The following UGP2 variants were observed in gnomAD, a reference collection of about 807,000 sequenced individuals.
UGP2 encodes the protein UTP--glucose-1-phosphate uridylyltransferase.
UGP2 carries 40 observed loss-of-function variants against 49.0 expected under a neutral mutation model. That is an observed-to-expected ratio of 0.82 (90% CI 0.63 to 1.06). UGP2 has a LOEUF of 1.06. Ranked by LOEUF, UGP2 falls within the 50% of genes least tolerant of loss-of-function variation. UGP2 has a pLI of 0.00. For synonymous variants in UGP2, 225 were observed against 213.0 expected, an observed-to-expected ratio of 1.06 and a Z score of -0.49; for missense variants, 460 against 603.5, an observed-to-expected ratio of 0.76 and a Z score of 2.49.
chr2:63,847,562 G>A (rs1462175168), intron 1 of UGP2, among the ~76,000 whole-genome samples: 1 of 152,188 alleles, frequency 6.6e-6, no homozygotes, highest in Non-Finnish European at 1.5e-5. Flanking sequence ...CGAAAAGAGA[G>A]TCAGTGAAGG....
At chr2:63,857,755 C>A in intron 2 of UGP2, 74 bp from the exon 3 acceptor site, 1 of 1,398,854 alleles carries the variant, frequency 7.1e-7, no homozygotes, top group Non-Finnish European at 1.0e-6. Context: ...AAATGTGTAA[C>A]TTGTATCTGT....
At chr2:63,883,256 CCT>C (rs1671433828) in intron 4 of UGP2, 1 of 152,170 alleles carries the variant, frequency 6.6e-6, no homozygotes, top group African/African-American at 2.4e-5. Context: ...CTCATTTGTT[CCT>C]CTCAACAACT....
At chr2:63,866,510 TG>T (rs1344429824) in intron 3 of UGP2, among the ~76,000 whole-genome samples, 2 of 152,042 alleles carry the variant, frequency 1.3e-5, no homozygotes, top group African/African-American at 4.8e-5. Context: ...TAAGAGGTAA[TG>T]TTAGAGCTGA....
At chr2:63,845,417 A>G (rs986225282) in intron 1 of UGP2, among the ~76,000 whole-genome samples, 1 of 152,152 alleles carries the variant, frequency 6.6e-6, no homozygotes, top group African/African-American at 2.4e-5. Flanking sequence ...CACCCAAAAT[A>G]TAACCACATG....
chr2:63,853,180 C>A (rs549072939), intron 1 of UGP2, among the ~76,000 whole-genome samples: 7 of 152,166 alleles, frequency 4.6e-5, no homozygotes, highest in African/African-American at 1.7e-4. Flanking sequence ...ATAGGATACA[C>A]TTGAGTAATG....
chr2:63,842,265 G>T, intron 1 of UGP2, 61 bp downstream of exon 1: 1 of 1,609,098 alleles, frequency 6.2e-7, no homozygotes, highest in South Asian at 1.1e-5. Context: ...ACTGACAGTG[G>T]AGAGGTTGGT....
At chr2:63,878,720 T>G (rs1367790278) in intron 3 of UGP2, among the ~76,000 whole-genome samples, 4 of 152,150 alleles carry the variant, frequency 2.6e-5, no homozygotes, top group Non-Finnish European at 4.4e-5. Flanking sequence ...TGCACCACCA[T>G]GCTCAGGTAA....
rs773300249 is a variant in UGP2, at chr2:63,882,474, C to G, written c.264C>G (p.Pro88=). The change falls in exon 4 of 10, where the codon CCC becomes CCG. Residue 88 remains proline (P), a synonymous_variant. Coordinates refer to ENST00000337130, the MANE Select transcript of UGP2 (RefSeq NM_006759.4). ...TGTTATTTTTCTTTCAGATTCAACC[C>G]TATGAAAAGATAAAGGCCAGGGGCT... ...IQRPPEDSIQ[P]YEKIKARGLP... 4.6e-5 allele frequency: 72 copies of G among 1,575,896 alleles called. No homozygotes were observed. In the Admixed American group the frequency reaches 5.6e-4, roughly 12 times the overall value.
At chr2:63,851,054 T>C (rs1170462959) in intron 1 of UGP2, among the ~76,000 whole-genome samples, 1 of 152,186 alleles carries the variant, frequency 6.6e-6, no homozygotes, top group Admixed American at 6.5e-5. Context: ...TATGATGTTA[T>C]AAAGGAGAGG....
chr2:63,854,328 T>C (rs1276300730), intron 1 of UGP2, among the ~76,000 whole-genome samples: 1 of 152,218 alleles, frequency 6.6e-6, no homozygotes, highest in Non-Finnish European at 1.5e-5. Flanking sequence ...TTTATATTGC[T>C]AGGCAATAGG....
chr2:63,866,634 C>A (rs1013658296), intron 3 of UGP2, among the ~76,000 whole-genome samples: 2 of 151,958 alleles, frequency 1.3e-5, no homozygotes, highest in African/African-American at 4.8e-5. Flanking sequence ...ATGCAAAGGC[C>A]CACAGGCATG....
At chr2:63,860,969 T>C (rs1462687128) in intron 3 of UGP2, among the ~76,000 whole-genome samples, 1 of 152,104 alleles carries the variant, frequency 6.6e-6, no homozygotes, top group African/African-American at 2.4e-5. Context: ...ACCTTTTGTG[T>C]TGAATGCTTT....
intron 5 of UGP2, among the ~76,000 whole-genome samples, chr2:63,884,873 G>A (rs1671550539): frequency 6.6e-6 from 1 of 151,558 alleles, no homozygotes; most frequent in East Asian, 1.9e-4. Context: ...CTCCAGCCTA[G>A]GCAACAGAGC....
At chr2:63,862,472 T>C (rs1368525447) in intron 3 of UGP2, among the ~76,000 whole-genome samples, 1 of 152,142 alleles carries the variant, frequency 6.6e-6, no homozygotes, top group African/African-American at 2.4e-5. Flanking sequence ...CTTTCAGAAA[T>C]GGGGACCTGA....
chr2:63,869,922 AT>A (rs71393337), intron 3 of UGP2, among the ~76,000 whole-genome samples: 1,471 of 135,452 alleles, frequency 0.011, 12 homozygotes, highest in African/African-American at 0.03. Context: ...ATTAAAATTA[AT>A]TTTTTTTTTT....
intron 1 of UGP2, among the ~76,000 whole-genome samples, chr2:63,852,876 G>T (rs973347947): frequency 5.9e-5 from 9 of 152,190 alleles, no homozygotes; most frequent in Admixed American, 3.9e-4. Context: ...GGAGAACAGG[G>T]TGGGCAAAAG....
chr2:63,848,361 ATATT>A (rs1395440702), intron 1 of UGP2, among the ~76,000 whole-genome samples: 2 of 152,018 alleles, frequency 1.3e-5, no homozygotes, highest in African/African-American at 2.4e-5. Flanking sequence ...TACTTCTTAG[ATATT>A]TATTTATTTA....
intron 1 of UGP2, among the ~76,000 whole-genome samples, chr2:63,850,050 T>C (rs1269831647): frequency 1.3e-5 from 2 of 152,120 alleles, no homozygotes; most frequent in African/African-American, 4.8e-5. Flanking sequence ...TAAAACAAAG[T>C]GGTATTATTT....
upstream of UGP2, among the ~76,000 whole-genome samples, chr2:63,841,558 G>A (rs191175323): frequency 6.6e-6 from 1 of 152,256 alleles, no homozygotes; most frequent in Non-Finnish European, 1.5e-5. Context: ...GGGGAGCTGA[G>A]GCCCCGACCG....
Sources: allele counts gnomAD v4.1 joint callset (sites outside exome capture counted in the v4.1 genomes callset), GRCh38; gene constraint gnomAD v4.1.1; transcripts MANE v1.5; gene names NCBI Gene and HGNC (gene_info 2026-07-23, HGNC 2026-07-21).